KCNQ5: variants seen among roughly 807,000 people sequenced by gnomAD.
KCNQ5 encodes potassium voltage-gated channel subfamily KQT member 5.
In KCNQ5, 30 loss-of-function variants were observed where a neutral mutation model predicts 98.2. The ratio of observed to expected loss-of-function variants is 0.31; its 90% CI spans 0.23 to 0.41. The LOEUF (loss-of-function observed/expected upper bound fraction) is 0.41. Ranked by LOEUF, KCNQ5 falls within the 10% of genes least tolerant of loss-of-function variation. The pLI is 1.00. For synonymous variants in KCNQ5, 458 were observed against 449.4 expected (o/e 1.02, Z -0.24); for missense variants, 835 against 1,182.5 (o/e 0.71, Z 4.31).
Position 72,622,665 on chromosome 6 carries a change from C to A in KCNQ5, c.398+78C>A. 3.9e-6 allele frequency: 6 copies of A among 1,527,054 alleles called. No individual in the cohort carries two copies. In the South Asian group the frequency reaches 5.9e-5, roughly 15 times the overall value. 94.6% of individuals were successfully genotyped at this position (1,527,054 alleles called of 1,614,324 possible). A position where few individuals can be genotyped will look rare whatever the true frequency, so the allele number is the denominator to read the frequency against. ...CCCCCTGGGGCGTGCTCCGCGCTCG[C>A]GCCCTTGGGCCCCCGCGCGCGTGCA... On this transcript the variant is annotated intron_variant, in intron 1 of 13. Transcript: ENST00000370398. This position sits in a 1 kb window ranked among gnomAD's most constrained non-coding sequence, Gnocchi z 6.0.
chr6:72,943,749 G>C (rs532354756), intron 1 of KCNQ5, among the ~76,000 whole-genome samples: 8 of 152,066 alleles, frequency 5.3e-5, no homozygotes, highest in Non-Finnish European at 1.2e-4. Context: ...TACTTCTCTG[G>C]GCATCAGTTT....
intron 3 of KCNQ5, among the ~76,000 whole-genome samples, chr6:73,050,744 C>G (rs1295257249): frequency 6.6e-6 from 1 of 152,222 alleles, no homozygotes; most frequent in Non-Finnish European, 1.5e-5. Context: ...GGTACTCCCT[C>G]TCTTCAATCC....
chr6:73,164,377 A>G (rs180934494), intron 10 of KCNQ5, among the ~76,000 whole-genome samples: 94 of 152,306 alleles, frequency 6.2e-4, no homozygotes, highest in African/African-American at 2.2e-3. Context: ...CACCTACCCA[A>G]AAAAAAGCAG....
chr6:72,853,240 CT>C (rs1777365338), intron 1 of KCNQ5, among the ~76,000 whole-genome samples: 1 of 152,140 alleles, frequency 6.6e-6, no homozygotes. Flanking sequence ...ATATGTATTT[CT>C]CTTAAATTCT....
chr6:72,909,644 G>T (rs951803447), intron 1 of KCNQ5, among the ~76,000 whole-genome samples: 3 of 152,090 alleles, frequency 2.0e-5, no homozygotes, highest in Admixed American at 6.6e-5. Context: ...AAACCTAATG[G>T]AAACCCAAAG....
intron 1 of KCNQ5, among the ~76,000 whole-genome samples, chr6:72,819,278 A>G (rs6930202): frequency 0.24 from 37,234 of 151,988 alleles, 4,839 homozygotes; most frequent in Admixed American, 0.36. Flanking sequence ...CCATCCCCTC[A>G]AGCATTTATC....
chr6:73,111,248 T>G, intron 6 of KCNQ5, 60 bp from the exon 7 acceptor site: 1 of 1,138,138 alleles, frequency 8.8e-7, no homozygotes, highest in Non-Finnish European at 1.3e-6. Context: ...CTTTTTAATA[T>G]TTGTATTATT....
In KCNQ5 at chr6:72,856,465, CAT is replaced by C. The variant is rs1451580169; in HGVS notation, c.399-147437_399-147436del. ...ATACATACACACACACACACACACA[CAT>C]ATATACACACACACACACACACACA... On this transcript the variant is annotated intron_variant, in intron 1 of 13. Coordinates refer to ENST00000370398, the MANE Select transcript of KCNQ5 (RefSeq NM_019842.4). Among the ~76,000 whole-genome samples the C allele has an allele frequency of 3.3e-3, 214 of 65,364 alleles. 1 individual carries two copies. Among genetic ancestry groups the C allele is most frequent in the African/African-American group, 5.7e-3 (154 of 27,080 alleles). 42.9% of individuals were successfully genotyped at this position (65,364 alleles called of 152,430 possible).
At chr6:72,638,197 A>T (rs1198310308) in intron 1 of KCNQ5, among the ~76,000 whole-genome samples, 1 of 152,206 alleles carries the variant, frequency 6.6e-6, no homozygotes, top group Non-Finnish European at 1.5e-5. Flanking sequence ...ATGCTTCAGT[A>T]GCCCATTATT....
At chr6:72,877,667 T>C (rs1232997744) in intron 1 of KCNQ5, among the ~76,000 whole-genome samples, 2 of 152,226 alleles carry the variant, frequency 1.3e-5, no homozygotes, top group African/African-American at 4.8e-5. Context: ...GTTGAACTAA[T>C]TTACACTCCC....
intron 1 of KCNQ5, among the ~76,000 whole-genome samples, chr6:72,740,029 G>A (rs1252213989): frequency 6.6e-6 from 1 of 152,146 alleles, no homozygotes; most frequent in Non-Finnish European, 1.5e-5. Context: ...GTCTCACTTG[G>A]TTGAAATCAA....
chr6:72,798,310 T>C (rs909248435), intron 1 of KCNQ5, among the ~76,000 whole-genome samples: 4 of 152,228 alleles, frequency 2.6e-5, no homozygotes, highest in Non-Finnish European at 4.4e-5. Flanking sequence ...GCAAAGTTTA[T>C]GTGTTGGAAA....
chr6:72,689,508 A>G (rs1201064490), intron 1 of KCNQ5, among the ~76,000 whole-genome samples: 1 of 152,234 alleles, frequency 6.6e-6, no homozygotes, highest in East Asian at 1.9e-4. Context: ...TAACAGAGTA[A>G]AACACATTTG....
At chr6:72,665,325 C>T (rs1402581073) in intron 1 of KCNQ5, among the ~76,000 whole-genome samples, 3 of 124,462 alleles carry the variant, frequency 2.4e-5, no homozygotes, top group African/African-American at 8.9e-5. Context: ...GCCTGGACGA[C>T]AGAGTAATAC....
intron 1 of KCNQ5, among the ~76,000 whole-genome samples, chr6:72,652,339 T>C (rs1765920133): frequency 6.6e-6 from 1 of 152,128 alleles, no homozygotes; most frequent in South Asian, 2.1e-4. Flanking sequence ...ATGTGCTTCC[T>C]TAGAGTGAGA....
intron 11 of KCNQ5, among the ~76,000 whole-genome samples, chr6:73,176,128 A>G (rs994611990): frequency 2.6e-5 from 4 of 152,208 alleles, no homozygotes; most frequent in Admixed American, 2.6e-4. Flanking sequence ...AATTTATCAG[A>G]TCAGTGCATG....
chr6:72,699,978 G>A (rs1403882594), intron 1 of KCNQ5, among the ~76,000 whole-genome samples: 3 of 152,036 alleles, frequency 2.0e-5, no homozygotes, highest in African/African-American at 7.2e-5. Flanking sequence ...GTAAAATAAG[G>A]ATAAGAACTA....
At chr6:72,752,963 T>C (rs1438737560) in intron 1 of KCNQ5, among the ~76,000 whole-genome samples, 1 of 152,116 alleles carries the variant, frequency 6.6e-6, no homozygotes, top group Admixed American at 6.6e-5. Flanking sequence ...TGTATACCCA[T>C]TGTCAATGTT....
chr6:72,797,437 C>T (rs1398214148), intron 1 of KCNQ5, among the ~76,000 whole-genome samples: 2 of 146,696 alleles, frequency 1.4e-5, no homozygotes, highest in African/African-American at 5.1e-5. Flanking sequence ...CCCAGGAGGT[C>T]AAGGTTGCAG....
Sources: allele counts gnomAD v4.1 joint callset (sites outside exome capture counted in the v4.1 genomes callset), GRCh38; gene constraint gnomAD v4.1.1; non-coding constraint Gnocchi (gnomAD v3.1); transcripts MANE v1.5; gene names NCBI Gene and HGNC (gene_info 2026-07-23, HGNC 2026-07-21).